The following OPN4 variants were observed in gnomAD, a reference collection of about 807,000 sequenced individuals.
OPN4 encodes the protein opsin 4.
A neutral mutation model predicts 49.5 loss-of-function variants in OPN4; 43 were observed. The ratio of observed to expected loss-of-function variants is 0.87; its 90% CI spans 0.68 to 1.12. OPN4 has a LOEUF of 1.12. Ranked by LOEUF, OPN4 falls within the 50% of genes most tolerant of loss-of-function variation. The pLI is 0.00. For missense variants in OPN4, 657 were observed against 643.9 expected, an observed-to-expected ratio of 1.02 and a Z score of -0.22; for synonymous variants, 263 against 258.0, an observed-to-expected ratio of 1.02 and a Z score of -0.19.
chr10:86,658,303 A>T (rs1843917258), intron 3 of OPN4, 138 bp downstream of exon 3: 1 of 1,307,322 alleles, frequency 7.6e-7, no homozygotes, highest in Non-Finnish European at 1.1e-6. Context: ...TCCTGTGAGT[A>T]AGCAAGAAGG....
At chr10:86,664,512 G>C (rs1022557506) in intron 9 of OPN4, among the ~76,000 whole-genome samples, 11 of 152,284 alleles carry the variant, frequency 7.2e-5, no homozygotes, top group African/African-American at 2.6e-4. Flanking sequence ...CGTGTGCACA[G>C]GCTCCCAAGC....
chr10:86,657,155 A>G, intron 2 of OPN4: 1 of 779,428 alleles, frequency 1.3e-6, no homozygotes, highest in Non-Finnish European at 2.4e-6. Flanking sequence ...TGGGCACGTC[A>G]TTTCTCCTCC....
At chr10:86,661,670 G>T (rs931695846) in intron 7 of OPN4, among the ~76,000 whole-genome samples, 3 of 151,590 alleles carry the variant, frequency 2.0e-5, no homozygotes, top group South Asian at 2.1e-4. Context: ...AGCCAGGACA[G>T]CCCTGTGAAT....
intron 8 of OPN4, among the ~76,000 whole-genome samples, chr10:86,662,655 G>C (rs1392730099): frequency 6.6e-6 from 1 of 152,234 alleles, no homozygotes; most frequent in Non-Finnish European, 1.5e-5. Flanking sequence ...ATGGTTTGGG[G>C]GTTCCCAGGA....
intron 7 of OPN4, 76 bp from the exon 8 acceptor site, chr10:86,662,176 C>A: frequency 7.6e-7 from 1 of 1,323,258 alleles, no homozygotes; most frequent in Non-Finnish European, 1.1e-6. Flanking sequence ...AGGCCTGTAC[C>A]AGCCTGTGCA....
Position 86,656,274 on chromosome 10 carries a change from C to A in OPN4, c.264C>A (p.Asn88Lys). ...LLVGLTGMLG[N>K]LTVIYTFCRS... The stretch of plus-strand genomic sequence containing the variant: ...TGGGACTCACGGGGATGCTGGGCAA[C>A]CTGACGGTCATCTATACCTTCTGCA... The change falls in exon 2 of 10, where the codon AAC becomes AAA. Residue 88 changes from asparagine to lysine, a missense_variant. Coordinates refer to ENST00000241891, the MANE Select transcript of OPN4 (RefSeq NM_033282.4). The A allele has an allele frequency of 6.2e-7, 1 of 1,611,456 alleles. No homozygotes were observed. The highest frequency in any genetic ancestry group is 1.1e-5 in the South Asian group (1 of 90,662).
chr10:86,659,515 T>G, intron 5 of OPN4, 47 bp downstream of exon 5: 1 of 1,588,622 alleles, frequency 6.3e-7, no homozygotes, highest in Non-Finnish European at 8.6e-7. Flanking sequence ...GACCGGCCCC[T>G]CGGCCAGGCG....
At chr10:86,655,289 C>T (rs1050699001) in intron 1 of OPN4, among the ~76,000 whole-genome samples, 2 of 152,170 alleles carry the variant, frequency 1.3e-5, no homozygotes, top group Admixed American at 6.5e-5. Context: ...TCTGCCAAGC[C>T]CACAGTGAAG....
Position 86,665,720 on chromosome 10 carries a change from G to T in OPN4, c.1406G>T (p.Gly469Val), listed in dbSNP as rs768339750. 3.1e-6 allele frequency: 5 copies of T among 1,613,406 alleles called. No individual in the cohort carries two copies. Among genetic ancestry groups the T allele is most frequent in the Non-Finnish European group, 4.2e-6 (5 of 1,179,674 alleles). ...HEAETPGKTK[G>V]LIPSQDPRM ...TGTGCTGTTTGTTTGCAGACCAAGG[G>T]GCTGATCCCCAGCCAGGACCCCAGG... Residue 469 changes from glycine (G) to valine (V), a missense_variant, in exon 10 of 10, where the codon GGG (glycine) becomes GTG (valine). Coordinates refer to ENST00000241891, the MANE Select transcript of OPN4 (RefSeq NM_033282.4).
chr10:86,656,225 C>T lies in OPN4; in HGVS notation c.215C>T (p.Thr72Ile), dbSNP rs774104923. The stretch of plus-strand genomic sequence containing the variant: ...GATGTTCCAGACCATGCCCACTATA[C>T]CCTGGGCACAGTGATCTTGCTGGTG... ...TVDVPDHAHY[T>I]LGTVILLVGL... The change falls in exon 2 of 10, where the codon ACC (threonine) becomes ATC (isoleucine). Residue 72 changes from threonine to isoleucine, a missense_variant. Coordinates refer to ENST00000241891, the MANE Select transcript of OPN4 (RefSeq NM_033282.4). 1.9e-6 allele frequency: 3 copies of T among 1,614,088 alleles called. No homozygotes were observed. The highest frequency in any genetic ancestry group is 1.3e-5 in the African/African-American group (1 of 75,056).
In OPN4 at chr10:86,654,991, G is replaced by T. The variant is rs889695729; in HGVS notation, c.144+64G>T. 6 of 1,525,480 alleles carry T rather than the reference G, an allele frequency of 3.9e-6. No homozygotes were observed. The African/African-American group carries it at 5.5e-5, about 14-fold the overall frequency. 94.5% of individuals were successfully genotyped at this position (1,525,480 alleles called of 1,614,324 possible). A position where few individuals can be genotyped will look rare whatever the true frequency, so the allele number is the denominator to read the frequency against. On this transcript the variant is annotated intron_variant, in intron 1 of 9. Transcript: ENST00000241891. ...CTGACCCCTTCCTGGTCCCCTCCTGGCCACACACAGGGGCTTTGACAGGGA... is the reference window on the plus strand; with the variant it reads ...CTGACCCCTTCCTGGTCCCCTCCTGTCCACACACAGGGGCTTTGACAGGGA...
chr10:86,663,619 T>C, intron 8 of OPN4, 40 bp from the exon 9 acceptor site: 1 of 1,462,834 alleles, frequency 6.8e-7, no homozygotes, highest in South Asian at 1.5e-5. Flanking sequence ...AGCTACGGAC[T>C]GTCCCTCTCA....
intron 3 of OPN4, 30 bp from the exon 4 acceptor site, chr10:86,658,454 C>T: frequency 6.2e-7 from 1 of 1,610,072 alleles, no homozygotes; most frequent in Non-Finnish European, 8.5e-7. Flanking sequence ...CCCTCCTCCC[C>T]AGGACTCAGA....
In OPN4 at chr10:86,656,258, CG is replaced by C. The variant is rs753971088; in HGVS notation, c.252del (p.Met85CysfsTer5). On this transcript the variant is annotated frameshift_variant, in exon 2 of 10. Transcript: ENST00000241891. LOFTEE classifies it high-confidence loss of function. ...ACAGTGATCTTGCTGGTGGGACTCA[CG>C]GGGATGCTGGGCAACCTGACGGTCA... The part of the protein sequence containing the change: ...LGTVILLVGL[T>X]GMLGNLTVIY... The C allele has an allele frequency of 2.5e-6, 4 of 1,612,998 alleles. No individual in the cohort carries two copies. In the South Asian group the frequency reaches 3.3e-5, roughly 13 times the overall value.
At position 86,662,648 on chromosome 10, in the gene OPN4, G is replaced by T. The variant is rs951744740; in HGVS notation, c.1254+216G>T. Among the ~76,000 whole-genome samples, 7 of 152,270 alleles carry T rather than the reference G, an allele frequency of 4.6e-5. 1 individual carries two copies. The highest frequency in any genetic ancestry group is 1.3e-4 in the Admixed American group (2 of 15,294). ...GGGCACTAGGGCCAGAGCGGGGATG[G>T]TTTGGGGGTTCCCAGGAGCGGGGCC... On this transcript the variant is annotated intron_variant, in intron 8 of 9. Transcript: ENST00000241891.
Position 86,662,390 on chromosome 10 carries a change from C to T in OPN4, c.1212C>T (p.Ser404=). Residue 404 remains serine, a synonymous_variant, in exon 8 of 10, where the codon TCC becomes TCT. Coordinates refer to ENST00000241891, the MANE Select transcript of OPN4 (RefSeq NM_033282.4). ...TSHTSNLSWI[S]IRRRQESLGS... is the part of the protein sequence containing the mutation. ...ACACCTCCAACCTCAGCTGGATCTC[C>T]ATACGGAGGCGCCAGGAGTCCCTGG... 5.1e-6 allele frequency: 8 copies of T among 1,568,906 alleles called. No individual in the cohort carries two copies. Among genetic ancestry groups the T allele is most frequent in the Non-Finnish European group, 6.9e-6 (8 of 1,158,084 alleles).
chr10:86,660,374 T>C (rs1843975915), intron 6 of OPN4, among the ~76,000 whole-genome samples: 1 of 152,186 alleles, frequency 6.6e-6, no homozygotes, highest in Admixed American at 6.5e-5. Flanking sequence ...GGGCTGTGGT[T>C]ACATGACCAG....
At chr10:86,659,594 G>A (rs1843954893) in intron 5 of OPN4, 126 bp downstream of exon 5, 1 of 1,337,048 alleles carries the variant, frequency 7.5e-7, no homozygotes, top group Non-Finnish European at 1.0e-6. Context: ...GGCAAGCTGA[G>A]CAAGTGCTTA....
chr10:86,662,174 A>G (rs1046679900), intron 7 of OPN4, 78 bp from the exon 8 acceptor site: 2 of 1,299,432 alleles, frequency 1.5e-6, no homozygotes, highest in Middle Eastern at 2.6e-4. Flanking sequence ...TTAGGCCTGT[A>G]CCAGCCTGTG....
Sources: gnomAD v4.1 joint callset for allele counts (sites outside exome capture counted in the v4.1 genomes callset) on GRCh38, gnomAD v4.1.1 for gene constraint, MANE v1.5 for transcripts, NCBI Gene and HGNC (gene_info 2026-07-23, HGNC 2026-07-21) for gene names.